Variants in C3orf49 observed in about 807,000 individuals in gnomAD.
C3orf49 encodes the protein chromosome 3 open reading frame 49.
In C3orf49, 27 loss-of-function variants were observed where a neutral mutation model predicts 13.3. The ratio of observed to expected loss-of-function variants is 2.02; its 90% CI spans 1.49 to 2.79. C3orf49 has a LOEUF of 2.79. Ranked by LOEUF, C3orf49 falls within the 30% of genes most tolerant of loss-of-function variation. The pLI, the probability that C3orf49 is intolerant of heterozygous loss-of-function variation, is 0.00. For synonymous variants in C3orf49, 87 were observed against 47.6 expected (o/e 1.83, Z -3.40); for missense variants, 242 against 134.2 (o/e 1.80, Z -3.97).
At chr3:63,845,002 T>A (rs1169907885) in intron 5 of C3orf49, 21 bp from the exon 6 acceptor site, 11 of 691,196 alleles carry the variant, frequency 1.6e-5, no homozygotes, top group Non-Finnish European at 2.4e-5. Flanking sequence ...TTACATTTGT[T>A]GTAATTTTGT....
chr3:63,836,251 G>A (rs1229769349), intron 5 of C3orf49: 1 of 1,555,092 alleles, frequency 6.4e-7, no homozygotes. Context: ...TAGTTTTCGA[G>A]CATTTATGTA....
At chr3:63,797,949 C>T in the C3orf49 span, among the ~76,000 whole-genome samples, 17 of 152,272 alleles carry the variant, frequency 1.1e-4, 1 homozygote, top group Admixed American at 9.8e-4. Flanking sequence ...TTTCATCTTT[C>T]ACCTTTCATC....
the C3orf49 span, among the ~76,000 whole-genome samples, chr3:63,795,299 G>C: frequency 2.6e-5 from 4 of 152,114 alleles, no homozygotes; most frequent in Non-Finnish European, 2.9e-5. Flanking sequence ...AAACGTCTAG[G>C]GGGTATTTGA....
At position 63,845,087 on chromosome 3, in the gene C3orf49, T is replaced by C. The variant is rs1480560200; in HGVS notation, c.*30+5T>C. ...CCTTGAGGAACACAGGAAAAGGTGA[T>C]GCTAACCTTCTTTTCTGGGGGTGGG... is the stretch of plus-strand genomic sequence containing the variant. On this transcript the variant is annotated splice_donor_5th_base_variant and intron_variant, in intron 6 of 6. Coordinates refer to ENST00000295896, the MANE Select transcript of C3orf49 (RefSeq NM_001355236.2). 5.7e-6 allele frequency: 4 copies of C among 696,546 alleles called. No homozygotes were observed. 43.1% of individuals were successfully genotyped at this position (696,546 alleles called of 1,614,324 possible).
chr3:63,835,334 A>G, intron 5 of C3orf49: 2 of 1,613,596 alleles, frequency 1.2e-6, no homozygotes, highest in Non-Finnish European at 1.7e-6. Flanking sequence ...CTTATCTTCA[A>G]CACTTTCTTT....
intron 5 of C3orf49, chr3:63,838,537 G>T: frequency 6.4e-7 from 1 of 1,568,028 alleles, no homozygotes; most frequent in South Asian, 1.2e-5. Context: ...AAAGATATTT[G>T]TGGACTGACA....
At chr3:63,834,267 G>A (rs1701581837) in intron 5 of C3orf49, 3 of 1,471,386 alleles carry the variant, frequency 2.0e-6, no homozygotes, top group South Asian at 1.1e-5. Flanking sequence ...ATGAACACAT[G>A]AAAACATGTT....
At chr3:63,781,363 A>G in the C3orf49 span, among the ~76,000 whole-genome samples, 1 of 152,170 alleles carries the variant, frequency 6.6e-6, no homozygotes, top group South Asian at 2.1e-4. Context: ...CTGTTTTGGT[A>G]CCAGTACCAT....
chr3:63,834,231 T>G (rs1212585747), intron 5 of C3orf49: 1 of 1,607,604 alleles, frequency 6.2e-7, no homozygotes, highest in African/African-American at 1.3e-5. Flanking sequence ...AAAACCTTAG[T>G]CAAGTTTGCC....
chr3:63,804,353 A>G, the C3orf49 span, among the ~76,000 whole-genome samples: 1 of 152,132 alleles, frequency 6.6e-6, no homozygotes, highest in Non-Finnish European at 1.5e-5. Flanking sequence ...GCTTCCTAAC[A>G]TGGCTCACAG....
At chr3:63,807,262 T>C in the C3orf49 span, among the ~76,000 whole-genome samples, 1 of 152,184 alleles carries the variant, frequency 6.6e-6, no homozygotes, top group African/African-American at 2.4e-5. Context: ...CTCATACATA[T>C]TTTTTGAATG....
At chr3:63,803,478 T>A in the C3orf49 span, among the ~76,000 whole-genome samples, 444 of 152,314 alleles carry the variant, frequency 2.9e-3, 2 homozygotes, top group South Asian at 0.018. Context: ...GAGACAGACC[T>A]GAACTCAACC....
the C3orf49 span, among the ~76,000 whole-genome samples, chr3:63,801,666 ATAGT>A: frequency 1.3e-5 from 2 of 152,340 alleles, no homozygotes; most frequent in African/African-American, 4.8e-5. Context: ...TGCCTGGTAC[ATAGT>A]TAGTGCCCAG....
the C3orf49 span, among the ~76,000 whole-genome samples, chr3:63,781,986 G>C: frequency 6.6e-6 from 1 of 152,136 alleles, no homozygotes; most frequent in Non-Finnish European, 1.5e-5. Context: ...ATTTGACCCC[G>C]AGCCTATCTG....
chr3:63,837,872 C>T (rs1701665983), intron 5 of C3orf49: 7 of 934,908 alleles, frequency 7.5e-6, no homozygotes, highest in South Asian at 2.1e-5. Flanking sequence ...TTTTTTAATC[C>T]AGGTTGATTC....
intron 6 of C3orf49, among the ~76,000 whole-genome samples, chr3:63,845,571 A>T (rs924587856): frequency 4.6e-5 from 7 of 152,178 alleles, no homozygotes; most frequent in Non-Finnish European, 1.0e-4. Context: ...GTGGAGGGGG[A>T]CATGAACTCT....
In C3orf49 at chr3:63,831,051, C is replaced by T. The variant is rs1250495175; in HGVS notation, c.571-59C>T. The T allele has an allele frequency of 3.7e-5, 25 of 674,010 alleles. No individual in the cohort carries two copies. In the South Asian group the frequency reaches 4.0e-4, roughly 11 times the overall value. The allele number at this position is 674,010 out of a possible 1,614,324, so 41.8% of individuals were successfully genotyped here. On this transcript the variant is annotated intron_variant, in intron 3 of 6. Coordinates refer to ENST00000295896, the MANE Select transcript of C3orf49 (RefSeq NM_001355236.2). ...AAGGGTGAGAACTCTTGTTTAAGCA[C>T]CATCACATAAATAATGTTGGTAGTT...
chr3:63,844,209 A>G (rs1262630052), intron 5 of C3orf49, among the ~76,000 whole-genome samples: 3 of 152,144 alleles, frequency 2.0e-5, no homozygotes, highest in Non-Finnish European at 4.4e-5. Flanking sequence ...GGCTAGGGAG[A>G]AGGAGGTTGG....
At chr3:63,818,764 T>G (rs1010936862), upstream of C3orf49, among the ~76,000 whole-genome samples, 67 of 152,164 alleles carry the variant, frequency 4.4e-4, no homozygotes, top group Non-Finnish European at 4.4e-5. Context: ...CAGGCAGAAT[T>G]CGCTCTTCAC....
Sources: gnomAD v4.1 joint callset for allele counts (sites outside exome capture counted in the v4.1 genomes callset) on GRCh38, gnomAD v4.1.1 for gene constraint, MANE v1.5 for transcripts, NCBI Gene and HGNC (gene_info 2026-07-23, HGNC 2026-07-21) for gene names.